Variants in TIMELESS observed in about 807,000 individuals in gnomAD.
TIMELESS encodes the protein protein timeless homolog.
A neutral mutation model predicts 164.3 loss-of-function variants in TIMELESS; 124 were observed. The observed-to-expected ratio is 0.75, with a 90% CI of 0.65 to 0.88. TIMELESS has a LOEUF of 0.88. TIMELESS is among the 40% of genes least tolerant of loss of function. The pLI, the probability that TIMELESS is intolerant of heterozygous loss-of-function variation, is 0.00. For missense variants in TIMELESS, 1,422 were observed against 1,491.4 expected, an observed-to-expected ratio of 0.95 and a Z score of 0.77; for synonymous variants, 564 against 563.4, an observed-to-expected ratio of 1.00 and a Z score of -0.02.
intron 25 of TIMELESS, 39 bp from the exon 26 acceptor site, chr12:56,420,726 G>A: frequency 6.2e-7 from 1 of 1,613,432 alleles, no homozygotes; most frequent in Non-Finnish European, 8.5e-7. Flanking sequence ...AAGATATAAG[G>A]GAAGAACTGG....
intron 8 of TIMELESS, among the ~76,000 whole-genome samples, chr12:56,431,220 G>A (rs973634462): frequency 3.9e-5 from 6 of 152,064 alleles, no homozygotes; most frequent in African/African-American, 1.4e-4. Context: ...CTGGCATGGT[G>A]GCATGCGCCT....
intron 3 of TIMELESS, 30 bp downstream of exon 3, chr12:56,433,743 T>C (rs1881973709): frequency 1.2e-6 from 2 of 1,613,474 alleles, no homozygotes; most frequent in Non-Finnish European, 1.7e-6. Context: ...GCCTGGCAGG[T>C]GGCAAAAGTT....
chr12:56,438,513 T>A (rs1337296283), intron 1 of TIMELESS, among the ~76,000 whole-genome samples: 1 of 151,640 alleles, frequency 6.6e-6, no homozygotes, highest in Non-Finnish European at 1.5e-5. Flanking sequence ...GGCTCACGCC[T>A]GAAATCCCAG....
chr12:56,437,309 A>C (rs991656068), intron 1 of TIMELESS, among the ~76,000 whole-genome samples: 1 of 152,224 alleles, frequency 6.6e-6, no homozygotes, highest in African/African-American at 2.4e-5. Context: ...AACTGATTTC[A>C]GAAAATATAA....
At chr12:56,442,418 G>A (rs115568694) in intron 1 of TIMELESS, among the ~76,000 whole-genome samples, 6 of 152,278 alleles carry the variant, frequency 3.9e-5, no homozygotes, top group African/African-American at 1.2e-4. Flanking sequence ...CCAGCTTTAT[G>A]GGAAAAACCT....
In TIMELESS at chr12:56,422,986, C is replaced by T; in HGVS notation, c.2299G>A (p.Val767Met). ...DPAAGAYKEL[V>M]TFAKYILGKF... ...CCCAGGATGTATTTGGCAAAAGTCA[C>T]TAGCTCCTGTAGGAGAAGGAGGTTA... is the stretch of plus-strand genomic sequence containing the variant. Residue 767 changes from valine to methionine, a missense_variant, in exon 19 of 29, where the codon GTG becomes ATG. Transcript: ENST00000553532. 1 of 1,613,508 alleles carries T rather than the reference C, an allele frequency of 6.2e-7. No individual in the cohort carries two copies. Among genetic ancestry groups the T allele is most frequent in the Non-Finnish European group, 8.5e-7 (1 of 1,179,754 alleles).
intron 1 of TIMELESS, among the ~76,000 whole-genome samples, chr12:56,439,680 G>C (rs1170453474): frequency 2.6e-5 from 4 of 152,050 alleles, no homozygotes; most frequent in Non-Finnish European, 5.9e-5. Context: ...TTACAGGTGT[G>C]AACCACCACA....
At chr12:56,447,538 G>A (rs1592260669) in intron 1 of TIMELESS, among the ~76,000 whole-genome samples, 1 of 152,230 alleles carries the variant, frequency 6.6e-6, no homozygotes, top group East Asian at 1.9e-4. Context: ...AAGCCAGGAA[G>A]GACTTCTTGA....
rs771930543 is a variant in TIMELESS at position 56,422,170 on chromosome 12, A to G, written c.2460T>C (p.Pro820=). Residue 820 remains proline, a synonymous_variant, in exon 20 of 29, where the codon CCT becomes CCC. Coordinates refer to ENST00000553532, the MANE Select transcript of TIMELESS (RefSeq NM_003920.5). The part of the protein sequence containing the change: ...LDDRSSSRRA[P]TWSPEEEAHL... ...GAGCCTCTTCTTCGGGGCTCCATGT[A>G]GGTGCTCTGCGACTGGAAGACCTGA... is the stretch of plus-strand genomic sequence containing the variant. 2 of 1,614,076 alleles carry G rather than the reference A, an allele frequency of 1.2e-6. No homozygotes were observed. Among genetic ancestry groups the G allele is most frequent in the Non-Finnish European group, 1.7e-6 (2 of 1,180,022 alleles).
At chr12:56,449,150 A>G (rs778849728) in intron 1 of TIMELESS, among the ~76,000 whole-genome samples, 160 bp downstream of exon 1, 5 of 152,280 alleles carry the variant, frequency 3.3e-5, no homozygotes, top group Non-Finnish European at 7.3e-5. Context: ...ACTAAGGAGC[A>G]GAGTACAGAA....
chr12:56,445,254 C>T (rs916265048), intron 1 of TIMELESS, among the ~76,000 whole-genome samples: 34 of 135,980 alleles, frequency 2.5e-4, no homozygotes, highest in East Asian at 1.1e-3. Flanking sequence ...GGAGAAACCC[C>T]ATCTCTACTA....
At position 56,433,915 on chromosome 12, in the gene TIMELESS, C is replaced by T. The variant is rs755484439; in HGVS notation, c.109G>A (p.Asp37Asn). The T allele has an allele frequency of 3.1e-6, 5 of 1,613,998 alleles. No homozygotes were observed. In the Admixed American group the frequency reaches 8.3e-5, roughly 27 times the overall value. ...KEPDCLESVK[D>N]LIRYLRHEDE... ...TCATGCCTCAAATAGCGGATCAGAT[C>T]CTTCACGCTCTCTTCAGAGACAGAA... is the stretch of plus-strand genomic sequence containing the variant. The change falls in exon 3 of 29, where the codon GAT becomes AAT. Residue 37 changes from aspartate (D) to asparagine (N), a missense_variant. Physicochemically the swap from Asp to Asn is conservative, Grantham distance 23. Transcript: ENST00000553532.
Position 56,420,967 on chromosome 12 carries a change from C to T in TIMELESS, c.3036G>A (p.Gln1012=). ...TCTCCCAGCCAAAGTCCTCACCTTCCTGATGCAGGCTTTGACCAAGGTTTT... is the reference window on the plus strand; with the variant it reads ...TCTCCCAGCCAAAGTCCTCACCTTCTTGATGCAGGCTTTGACCAAGGTTTT... ...SNENLGQSLH[Q]EGFSIPLLWL... is the part of the protein sequence containing the mutation. Residue 1012 remains glutamine, a synonymous_variant, in exon 24 of 29, where the codon CAG becomes CAA. Transcript: ENST00000553532. 6.2e-7 allele frequency: 1 copy of T among 1,614,160 alleles called. No individual in the cohort carries two copies. The highest frequency in any genetic ancestry group is 8.5e-7 in the Non-Finnish European group (1 of 1,180,022).
At chr12:56,437,224 C>A (rs150648928) in intron 1 of TIMELESS, among the ~76,000 whole-genome samples, 130 of 152,266 alleles carry the variant, frequency 8.5e-4, no homozygotes, top group East Asian at 6.0e-3. Context: ...CCACTGCGCC[C>A]AGCCAAGCAT....
rs1475506349 is a variant in TIMELESS at position 56,417,896 on chromosome 12, A to G, written c.3556+11T>C. 8 of 1,614,178 alleles carry G rather than the reference A, an allele frequency of 5.0e-6. No individual in the cohort carries two copies. In the East Asian group the frequency reaches 1.8e-4, roughly 36 times the overall value. On this transcript the variant is annotated intron_variant, in intron 28 of 28. Transcript: ENST00000553532. ...TAGAGAAGAAAAAGAAGGTCCCATC[A>G]AATTCCCTACCTCTGTTCCTGCCCT...
intron 1 of TIMELESS, among the ~76,000 whole-genome samples, chr12:56,441,539 A>C (rs1364967945): frequency 6.6e-6 from 1 of 152,184 alleles, no homozygotes; most frequent in African/African-American, 2.4e-5. Context: ...AGGCAGGAGG[A>C]TCACTTGAGC....
At chr12:56,437,056 A>T (rs977263255) in intron 1 of TIMELESS, among the ~76,000 whole-genome samples, 1 of 151,936 alleles carries the variant, frequency 6.6e-6, no homozygotes, top group African/African-American at 2.4e-5. Context: ...CAGCCTCCCA[A>T]GTAGCTTGAA....
chr12:56,436,718 T>C (rs983276899), intron 1 of TIMELESS, among the ~76,000 whole-genome samples: 1 of 152,114 alleles, frequency 6.6e-6, no homozygotes, highest in Admixed American at 6.5e-5. Context: ...TAAGAATACA[T>C]TATCCTTATT....
chr12:56,417,793 G>T lies in TIMELESS; in HGVS notation c.3557-7C>A. On this transcript the variant is annotated splice_region_variant and splice_polypyrimidine_tract_variant and intron_variant, in intron 28 of 28. Coordinates refer to ENST00000553532, the MANE Select transcript of TIMELESS (RefSeq NM_003920.5). ...GGAGCTCCCAACTCTGGTGCTGTGG[G>T]AACGATGGGGGTGAGAGAGAGAGAG... 6.2e-7 allele frequency: 1 copy of T among 1,614,154 alleles called. No homozygotes were observed. Among genetic ancestry groups the T allele is most frequent in the Non-Finnish European group, 8.5e-7 (1 of 1,180,026 alleles).
Sources: allele counts gnomAD v4.1 joint callset (sites outside exome capture counted in the v4.1 genomes callset), GRCh38; gene constraint gnomAD v4.1.1; transcripts MANE v1.5; gene names NCBI Gene and HGNC (gene_info 2026-07-23, HGNC 2026-07-21).